Variants in LIG1 observed in about 807,000 individuals in gnomAD.
LIG1 encodes the protein DNA ligase 1, also known as ligase I, DNA, ATP-dependent.
LIG1 carries 70 observed loss-of-function variants against 115.7 expected under a neutral mutation model. The ratio of observed to expected loss-of-function variants is 0.60; its 90% CI spans 0.50 to 0.74. LIG1 has a LOEUF of 0.74. LIG1 is among the 30% of genes least tolerant of loss of function. The pLI is 0.00. For missense variants in LIG1, 1,115 were observed against 1,225.6 expected (o/e 0.91, Z 1.35); for synonymous variants, 487 against 495.3 (o/e 0.98, Z 0.22).
chr19:48,149,815 C>T lies in LIG1; in HGVS notation c.724G>A (p.Glu242Lys). 6.2e-7 allele frequency: 1 copy of T among 1,614,158 alleles called. No homozygotes were observed. The change falls in exon 9 of 28, where the codon GAA (glutamate) becomes AAA (lysine). Residue 242 changes from glutamate (E) to lysine (K), a missense_variant. Physicochemically the swap from Glu to Lys is moderately conservative, Grantham distance 56 (BLOSUM62 1). Coordinates refer to ENST00000263274, the MANE Select transcript of LIG1 (RefSeq NM_000234.3). ...FTPRKPAVKK[E>K]VKEEEPGAPG... ...GCCCCTGGCTCCTCTTCCTTCACTT[C>T]TTTTTTGACTGCTGGCTTCCGGGGG...
In LIG1 at chr19:48,122,915, GT is replaced by G. The variant is rs2033393996; in HGVS notation, c.2232+18del. 6.2e-7 allele frequency: 1 copy of G among 1,612,842 alleles called. No homozygotes were observed. Among genetic ancestry groups the G allele is most frequent in the African/African-American group, 1.3e-5 (1 of 74,804 alleles). On this transcript the variant is annotated intron_variant, in intron 23 of 27. Transcript: ENST00000263274. This position sits in a 1 kb window ranked among gnomAD's most constrained non-coding sequence, Gnocchi z 4.3. ...CCAGACCCGGGGTGGAGAAGGCCCAGTTGGGGGTCGAGAATCACCTTGAGCC... is the reference window on the plus strand; with the variant it reads ...CCAGACCCGGGGTGGAGAAGGCCCAGTGGGGGTCGAGAATCACCTTGAGCC...
intron 1 of LIG1, among the ~76,000 whole-genome samples, chr19:48,166,382 G>A (rs3730845): frequency 2.0e-5 from 3 of 152,140 alleles, no homozygotes; most frequent in African/African-American, 4.8e-5. Flanking sequence ...GGACAAGAGT[G>A]AAACTCCATC....
At chr19:48,140,271 G>C in intron 11 of LIG1, 128 bp from the exon 12 acceptor site, 1 of 673,386 alleles carries the variant, frequency 1.5e-6, no homozygotes, top group Non-Finnish European at 2.5e-6. Flanking sequence ...GCTCAGAACA[G>C]TCCCAGGCTC....
At position 48,143,647 on chromosome 19, in the gene LIG1, CA is replaced by C. The variant is rs763065531; in HGVS notation, c.858-49del. On this transcript the variant is annotated intron_variant, in intron 10 of 27. Transcript: ENST00000263274. ...AGAGTGACAGTGGTGCAGGCTATAC[CA>C]TGCTGCCCGTCTGCACCCTTGCTTC... The C allele has an allele frequency of 4.6e-6, 7 of 1,524,212 alleles. No individual in the cohort carries two copies. The South Asian group carries it at 7.8e-5, about 17-fold the overall frequency. 94.4% of individuals were successfully genotyped at this position (1,524,212 alleles called of 1,614,324 possible).
chr19:48,121,084 C>T (rs971469808), intron 24 of LIG1, 86 bp downstream of exon 24: 13 of 1,607,932 alleles, frequency 8.1e-6, no homozygotes, highest in South Asian at 5.5e-5. Context: ...GAGCACCCCT[C>T]GGTCTGGGTT....
At chr19:48,121,912 C>A (rs994403877) in intron 23 of LIG1, among the ~76,000 whole-genome samples, 2 of 152,224 alleles carry the variant, frequency 1.3e-5, no homozygotes, top group Non-Finnish European at 2.9e-5. Context: ...ACGTGGCCAA[C>A]TCACTCTGGC....
intron 6 of LIG1, among the ~76,000 whole-genome samples, chr19:48,151,716 T>C (rs1268068380): frequency 6.6e-6 from 1 of 152,108 alleles, no homozygotes; most frequent in African/African-American, 2.4e-5. Context: ...CAGTTCTATC[T>C]TGTGCCAATC....
At chr19:48,126,721 A>G (rs1161505174) in intron 21 of LIG1, among the ~76,000 whole-genome samples, 2 of 151,928 alleles carry the variant, frequency 1.3e-5, no homozygotes, top group African/African-American at 4.8e-5. Context: ...AAATAAATCC[A>G]ATATGCTCAC....
chr19:48,115,457 A>C lies in LIG1; in HGVS notation c.*192T>G. The C allele has an allele frequency of 1.6e-6, 1 of 612,898 alleles. No homozygotes were observed. Among genetic ancestry groups the C allele is most frequent in the South Asian group, 1.8e-5 (1 of 54,136 alleles). The allele number at this position is 612,898 out of a possible 1,614,324, so 38.0% of individuals were successfully genotyped here. On this transcript the variant is annotated 3_prime_UTR_variant, in exon 28 of 28. Transcript: ENST00000263274. ...CCCTGTCACAAAGTAGCTATCCAAT[A>C]ATTATTTATTGAAAGAAATGACGGG...
rs78006852 is a variant in LIG1 at position 48,148,630 on chromosome 19, G to A, written c.776+1133C>T. Among the ~76,000 whole-genome samples the A allele has an allele frequency of 8.4e-3, 1,285 of 152,192 alleles. 17 individuals carry two copies. Among genetic ancestry groups the A allele is most frequent in the African/African-American group, 0.029 (1,212 of 41,510 alleles). ...GGAAGCCCAGCATATCCTCTATGCTGGGGAGAATCGCAGATGGGTTTTGAG... is the reference window on the plus strand; with the variant it reads ...GGAAGCCCAGCATATCCTCTATGCTAGGGAGAATCGCAGATGGGTTTTGAG... On this transcript the variant is annotated intron_variant, in intron 9 of 27. Transcript: ENST00000263274.
chr19:48,153,554 AT>A (rs1184312193), intron 6 of LIG1, among the ~76,000 whole-genome samples: 1 of 150,924 alleles, frequency 6.6e-6, no homozygotes, highest in Non-Finnish European at 1.5e-5. Flanking sequence ...GGTAGGTGGA[AT>A]TCCTGGATGC....
chr19:48,134,589 C>T (rs753598135), intron 16 of LIG1, among the ~76,000 whole-genome samples: 2 of 152,334 alleles, frequency 1.3e-5, no homozygotes, highest in African/African-American at 4.8e-5. Flanking sequence ...ACCCTGGAGG[C>T]GGAAGTTGCA....
chr19:48,121,462 G>T (rs2033267887), intron 23 of LIG1, 140 bp from the exon 24 acceptor site: 1 of 802,764 alleles, frequency 1.2e-6, no homozygotes, highest in Non-Finnish European at 1.9e-6. Flanking sequence ...CCCAAGGATG[G>T]CCCCTGGGAA....
At chr19:48,123,700 C>G in intron 21 of LIG1, 1 of 320,138 alleles carries the variant, frequency 3.1e-6, no homozygotes, top group Non-Finnish European at 6.1e-6. Context: ...TGACTGCAGC[C>G]TCCGCCTCCT....
At chr19:48,147,733 G>C (rs2035210453) in intron 9 of LIG1, among the ~76,000 whole-genome samples, 1 of 151,922 alleles carries the variant, frequency 6.6e-6, no homozygotes, top group Non-Finnish European at 1.5e-5. Context: ...TTTCCTACCA[G>C]ATCTCAGGCA....
At chr19:48,165,095 C>A (rs1251457874) in intron 2 of LIG1, among the ~76,000 whole-genome samples, 2 of 152,186 alleles carry the variant, frequency 1.3e-5, no homozygotes, top group East Asian at 1.9e-4. Context: ...CCCGTCTCTA[C>A]TAAAAATACA....
At chr19:48,170,001 C>A (rs1442770480) in intron 1 of LIG1, 1 of 312,490 alleles carries the variant, frequency 3.2e-6, no homozygotes. Context: ...GAGGACCTGT[C>A]CAACTGTCTC....
At chr19:48,136,812 C>T (rs984812209) in intron 14 of LIG1, among the ~76,000 whole-genome samples, 196 bp downstream of exon 14, 1 of 152,238 alleles carries the variant, frequency 6.6e-6, no homozygotes, top group Non-Finnish European at 1.5e-5. Flanking sequence ...CTAGACAGCA[C>T]TACCAAGGGA....
rs774494293 is a variant in LIG1, at chr19:48,137,513, C to T, written c.1254+9G>A. ...CTGGGGTCCGGGATGAGCGGCCCGC[C>T]CCACTCACAGCACTGCCAGTGAGCC... On this transcript the variant is annotated intron_variant, in intron 13 of 27. Coordinates refer to ENST00000263274, the MANE Select transcript of LIG1 (RefSeq NM_000234.3). This position sits in a 1 kb window ranked among gnomAD's most constrained non-coding sequence, Gnocchi z 4.3. 2.5e-6 allele frequency: 4 copies of T among 1,611,528 alleles called. No individual in the cohort carries two copies. Among genetic ancestry groups the T allele is most frequent in the South Asian group, 1.1e-5 (1 of 91,074 alleles).
Sources: gnomAD v4.1 joint callset for allele counts (sites outside exome capture counted in the v4.1 genomes callset) on GRCh38, gnomAD v4.1.1 for gene constraint, Gnocchi (gnomAD v3.1) non-coding constraint, MANE v1.5 for transcripts, NCBI Gene and HGNC (gene_info 2026-07-23, HGNC 2026-07-21) for gene names.